Variants in AGBL4 observed in about 807,000 individuals in gnomAD.
AGBL4 encodes cytosolic carboxypeptidase 6.
A neutral mutation model predicts 66.4 loss-of-function variants in AGBL4; 58 were observed. The observed-to-expected ratio is 0.87, with a 90% CI of 0.71 to 1.09. The LOEUF (loss-of-function observed/expected upper bound fraction) is 1.09, where lower values mean the gene tolerates loss of function less well. Ranked by LOEUF, AGBL4 falls within the 50% of genes least tolerant of loss-of-function variation. The pLI is 0.00. For missense variants in AGBL4, 579 were observed against 631.0 expected (o/e 0.92, Z 0.88); for synonymous variants, 234 against 222.9 (o/e 1.05, Z -0.44).
At chr1:49,697,163 C>T (rs1289413477) in intron 3 of AGBL4, 150 bp downstream of exon 3, 1 of 798,278 alleles carries the variant, frequency 1.3e-6, no homozygotes, top group Non-Finnish European at 1.9e-6. Flanking sequence ...GTATCTATTT[C>T]TCTGCATCTC....
intron 2 of AGBL4, among the ~76,000 whole-genome samples, chr1:49,751,495 G>C (rs1299083691): frequency 6.6e-6 from 1 of 152,178 alleles, no homozygotes; most frequent in African/African-American, 2.4e-5. Flanking sequence ...GAATTTTATT[G>C]AGGATTTTCG....
At chr1:48,553,280 G>C (rs1332187998) in intron 11 of AGBL4, among the ~76,000 whole-genome samples, 39 of 152,164 alleles carry the variant, frequency 2.6e-4, no homozygotes, top group Admixed American at 2.6e-3. Flanking sequence ...CTGAGAGGGG[G>C]CTCTGCTTTT....
At chr1:49,797,801 C>A (rs1644766877) in intron 2 of AGBL4, among the ~76,000 whole-genome samples, 1 of 151,462 alleles carries the variant, frequency 6.6e-6, no homozygotes, top group Non-Finnish European at 1.5e-5. Context: ...GACATAGTCT[C>A]ACTCTGTTGC....
At chr1:49,408,289 CTG>C (rs1645245650) in intron 3 of AGBL4, among the ~76,000 whole-genome samples, 4 of 152,168 alleles carry the variant, frequency 2.6e-5, no homozygotes, top group African/African-American at 7.2e-5. Context: ...TGTGATAACA[CTG>C]TTATTTTTTA....
intron 2 of AGBL4, among the ~76,000 whole-genome samples, chr1:49,834,975 G>A (rs1433015392): frequency 1.3e-5 from 2 of 152,154 alleles, no homozygotes. Flanking sequence ...ATTTGCTGAG[G>A]AATGTTTTAC....
At chr1:49,619,623 A>G (rs1376811982) in intron 3 of AGBL4, among the ~76,000 whole-genome samples, 1 of 152,212 alleles carries the variant, frequency 6.6e-6, no homozygotes, top group Non-Finnish European at 1.5e-5. Context: ...ATACTACTTT[A>G]AATTACATAT....
intron 5 of AGBL4, among the ~76,000 whole-genome samples, chr1:48,994,078 CTCTAAGACCCTTCAG>C (rs905294213): frequency 6.6e-6 from 1 of 152,154 alleles, no homozygotes; most frequent in Non-Finnish European, 1.5e-5. Flanking sequence ...AGCTTCCTCC[CTCTAAGACCCTTCAG>C]TCTTGATTCT....
intron 6 of AGBL4, among the ~76,000 whole-genome samples, chr1:48,664,090 T>G (rs893057526): frequency 1.3e-5 from 2 of 152,226 alleles, no homozygotes; most frequent in African/African-American, 4.8e-5. Flanking sequence ...CCCTGGCTTT[T>G]TGCCTGATGA....
intron 1 of AGBL4, among the ~76,000 whole-genome samples, chr1:49,859,290 A>C (rs959472619): frequency 6.6e-6 from 1 of 152,208 alleles, no homozygotes; most frequent in Non-Finnish European, 1.5e-5. Context: ...AAACAAGAAG[A>C]AAACTAAAGA....
chr1:49,531,287 G>A (rs1167311), intron 3 of AGBL4, among the ~76,000 whole-genome samples: 103,423 of 151,772 alleles, frequency 0.68, 36,063 homozygotes, highest in African/African-American at 0.77. Context: ...AGGCATGTCA[G>A]TTTCCCTCTC....
chr1:48,859,043 C>T (rs941144525), intron 6 of AGBL4, among the ~76,000 whole-genome samples: 7 of 151,954 alleles, frequency 4.6e-5, no homozygotes, highest in African/African-American at 1.7e-4. Context: ...CAAATCCTTG[C>T]TTTGATCAAG....
At chr1:49,119,030 G>C (rs1645593967) in intron 4 of AGBL4, among the ~76,000 whole-genome samples, 1 of 152,144 alleles carries the variant, frequency 6.6e-6, no homozygotes, top group African/African-American at 2.4e-5. Flanking sequence ...ATTTCTGTGG[G>C]ATTGGTGGTG....
chr1:48,981,020 G>C (rs1338763250), intron 5 of AGBL4, among the ~76,000 whole-genome samples: 1 of 151,906 alleles, frequency 6.6e-6, no homozygotes, highest in East Asian at 1.9e-4. Flanking sequence ...CATTGGTCCT[G>C]GTAATTCCTA....
chr1:49,293,424 G>T (rs952140666), intron 3 of AGBL4, among the ~76,000 whole-genome samples: 3 of 152,156 alleles, frequency 2.0e-5, no homozygotes, highest in Non-Finnish European at 4.4e-5. Flanking sequence ...GAGGTTTCTG[G>T]CCAGAAAAAC....
At chr1:49,181,405 G>A (rs1342195872) in intron 4 of AGBL4, among the ~76,000 whole-genome samples, 1 of 152,164 alleles carries the variant, frequency 6.6e-6, no homozygotes, top group Non-Finnish European at 1.5e-5. Context: ...ATCATCTACT[G>A]CAGCTTTGGA....
At chr1:49,051,821 T>C (rs1212674702) in intron 4 of AGBL4, among the ~76,000 whole-genome samples, 1 of 152,152 alleles carries the variant, frequency 6.6e-6, no homozygotes, top group African/African-American at 2.4e-5. Context: ...TCACAGCTAA[T>C]CTCTTGGTGA....
chr1:49,584,342 G>A (rs534973658), intron 3 of AGBL4, among the ~76,000 whole-genome samples: 2 of 152,230 alleles, frequency 1.3e-5, no homozygotes, highest in South Asian at 2.1e-4. Flanking sequence ...GATCTTAAAC[G>A]TCATCTGGTA....
At chr1:49,092,277 T>C (rs895211566) in intron 4 of AGBL4, among the ~76,000 whole-genome samples, 10 of 152,178 alleles carry the variant, frequency 6.6e-5, no homozygotes, top group Non-Finnish European at 1.0e-4. Flanking sequence ...TTCAAAATCT[T>C]AAGATAAAGG....
At chr1:49,318,913 G>T (rs1480071651) in intron 3 of AGBL4, among the ~76,000 whole-genome samples, 2 of 151,948 alleles carry the variant, frequency 1.3e-5, no homozygotes, top group Non-Finnish European at 2.9e-5. Flanking sequence ...TTTCCATTTT[G>T]CCCAGGGTTA....
Sources: allele counts gnomAD v4.1 joint callset (sites outside exome capture counted in the v4.1 genomes callset), GRCh38; gene constraint gnomAD v4.1.1; transcripts MANE v1.5; gene names NCBI Gene and HGNC (gene_info 2026-07-23, HGNC 2026-07-21).